The following ASIC2 variants were observed in gnomAD, a reference collection of about 807,000 sequenced individuals.
ASIC2 encodes the protein acid sensing ion channel subunit 2.
In ASIC2, 25 loss-of-function variants were observed where a neutral mutation model predicts 57.3. The observed-to-expected ratio is 0.44, with a 90% CI of 0.32 to 0.61. The LOEUF (loss-of-function observed/expected upper bound fraction) is 0.61, where lower values mean the gene tolerates loss of function less well. Ranked by LOEUF, ASIC2 falls within the 20% of genes least tolerant of loss-of-function variation. The pLI, the probability that ASIC2 is intolerant of heterozygous loss-of-function variation, is 0.06. For synonymous variants in ASIC2, 319 were observed against 307.5 expected, an observed-to-expected ratio of 1.04 and a Z score of -0.39; for missense variants, 641 against 738.1, an observed-to-expected ratio of 0.87 and a Z score of 1.52.
intron 1 of ASIC2, among the ~76,000 whole-genome samples, chr17:34,137,355 C>A (rs1912154618): frequency 6.6e-6 from 1 of 152,170 alleles, no homozygotes; most frequent in Non-Finnish European, 1.5e-5. Flanking sequence ...GATGCTTTCC[C>A]AGCAAACAGA....
At chr17:33,337,527 C>A (rs1907561133) in intron 1 of ASIC2, among the ~76,000 whole-genome samples, 1 of 152,198 alleles carries the variant, frequency 6.6e-6, no homozygotes, top group Non-Finnish European at 1.5e-5. Flanking sequence ...GTTTGCTCAA[C>A]TGTTCAAAGG....
intron 1 of ASIC2, among the ~76,000 whole-genome samples, chr17:34,035,827 A>T (rs1907853002): frequency 6.6e-6 from 1 of 152,160 alleles, no homozygotes; most frequent in Non-Finnish European, 1.5e-5. Context: ...TCAAAACCAC[A>T]ATGAGATACC....
chr17:33,251,791 A>T (rs1908893701), intron 1 of ASIC2, among the ~76,000 whole-genome samples: 1 of 152,212 alleles, frequency 6.6e-6, no homozygotes, highest in South Asian at 2.1e-4. Flanking sequence ...TCAGGATTCA[A>T]ACTCAGATCT....
chr17:33,695,080 A>G (rs994899292), intron 1 of ASIC2, among the ~76,000 whole-genome samples: 1 of 152,192 alleles, frequency 6.6e-6, no homozygotes, highest in Non-Finnish European at 1.5e-5. Flanking sequence ...AAAATATATC[A>G]CAAAAAAAGT....
intron 1 of ASIC2, among the ~76,000 whole-genome samples, chr17:33,667,849 T>G (rs986068951): frequency 1.3e-5 from 2 of 152,164 alleles, no homozygotes; most frequent in African/African-American, 4.8e-5. Flanking sequence ...TCTGACAGAT[T>G]TATTTAGTCA....
chr17:33,866,662 AC>A (rs778777578), intron 1 of ASIC2, among the ~76,000 whole-genome samples: 76 of 152,180 alleles, frequency 5.0e-4, no homozygotes, highest in Non-Finnish European at 9.9e-4. Context: ...GCTGCCTTGA[AC>A]ACACTCCAGG....
intron 1 of ASIC2, 129 bp downstream of exon 1, chr17:33,291,279 G>T: frequency 7.0e-7 from 1 of 1,429,166 alleles, no homozygotes; most frequent in South Asian, 1.5e-5. Context: ...AATGGGTTCT[G>T]CCTTGGCATC....
intron 1 of ASIC2, among the ~76,000 whole-genome samples, chr17:33,342,862 C>T (rs1201048632): frequency 6.6e-6 from 1 of 152,140 alleles, no homozygotes; most frequent in African/African-American, 2.4e-5. Context: ...TTCCATCATC[C>T]CCTTCAGGAA....
intron 1 of ASIC2, among the ~76,000 whole-genome samples, chr17:33,838,811 T>C (rs757659266): frequency 1.3e-5 from 2 of 152,176 alleles, no homozygotes; most frequent in African/African-American, 2.4e-5. Flanking sequence ...CCAAATGTTA[T>C]AGTCTCTGAG....
In ASIC2 at chr17:33,515,444, G is replaced by A. The variant is rs1914536504; in HGVS notation, c.556-403377C>T. Among the ~76,000 whole-genome samples the A allele has an allele frequency of 2.0e-5, 3 of 152,206 alleles. No homozygotes were observed. In the South Asian group the frequency reaches 6.2e-4, roughly 32 times the overall value. Reference sequence around the variant, plus strand: ...ACTCCATGGCCTATGGGTATTTCAGGCCCATGGGTTGAACCTCTCTCAGCC... The same window carrying A: ...ACTCCATGGCCTATGGGTATTTCAGACCCATGGGTTGAACCTCTCTCAGCC... On this transcript the variant is annotated intron_variant, in intron 1 of 9. Coordinates refer to the ASIC2 transcript ENST00000359872.
At position 33,464,459 on chromosome 17, in the gene ASIC2, CTT is replaced by C. The variant is rs1231931570; in HGVS notation, c.556-352394_556-352393del. 8.5e-3 allele frequency among the ~76,000 whole-genome samples: 606 copies of C among 71,450 alleles called. 1 individual carries two copies. Among genetic ancestry groups the C allele is most frequent in the Non-Finnish European group, 0.011 (400 of 37,208 alleles). 46.9% of individuals were successfully genotyped at this position (71,450 alleles called of 152,430 possible). A position where few individuals can be genotyped will look rare whatever the true frequency, so the allele number is the denominator to read the frequency against. ...TCATTCTACACATGCCTCTTTTTCTCTTTCTTTCTTTCTTTCTTTTCTCTCTT... is the reference window on the plus strand; with the variant it reads ...TCATTCTACACATGCCTCTTTTTCTCTCTTTCTTTCTTTCTTTTCTCTCTT... On this transcript the variant is annotated intron_variant, in intron 1 of 9. Transcript: ENST00000359872.
At chr17:33,227,542 A>C (rs1907935537) in intron 1 of ASIC2, among the ~76,000 whole-genome samples, 1 of 152,178 alleles carries the variant, frequency 6.6e-6, no homozygotes, top group Admixed American at 6.5e-5. Context: ...GTAACTGTGA[A>C]GCCAAGGACA....
chr17:34,044,721 G>T (rs1340726766), intron 1 of ASIC2, among the ~76,000 whole-genome samples: 2 of 152,136 alleles, frequency 1.3e-5, no homozygotes, highest in African/African-American at 4.8e-5. Context: ...GGAGTTGAAG[G>T]AACGGTGCCT....
At chr17:33,799,357 T>G (rs1193027703) in intron 1 of ASIC2, among the ~76,000 whole-genome samples, 1 of 125,624 alleles carries the variant, frequency 8.0e-6, no homozygotes. Flanking sequence ...TCTTTCTCTT[T>G]CTTTCTTTCT....
At chr17:33,467,912 A>G (rs1465225144) in intron 1 of ASIC2, among the ~76,000 whole-genome samples, 2 of 152,186 alleles carry the variant, frequency 1.3e-5, no homozygotes, top group East Asian at 3.9e-4. Context: ...TGCATTGGCC[A>G]TGGTCACTCA....
intron 1 of ASIC2, among the ~76,000 whole-genome samples, chr17:33,371,844 G>A (rs1270590028): frequency 6.6e-6 from 1 of 152,156 alleles, no homozygotes; most frequent in East Asian, 1.9e-4. Context: ...TGGCTCCAGA[G>A]CCTTTAAAAT....
intron 1 of ASIC2, among the ~76,000 whole-genome samples, chr17:33,622,114 G>A (rs1248646268): frequency 1.3e-5 from 2 of 151,764 alleles, no homozygotes; most frequent in Admixed American, 6.6e-5. Flanking sequence ...GATCCTACTA[G>A]GTGCCTGGCA....
At chr17:33,765,970 C>A (rs1002296561) in intron 1 of ASIC2, among the ~76,000 whole-genome samples, 1 of 152,178 alleles carries the variant, frequency 6.6e-6, no homozygotes, top group Non-Finnish European at 1.5e-5. Context: ...GGTCTCCCTG[C>A]TCTAGTAGGC....
intron 1 of ASIC2, among the ~76,000 whole-genome samples, chr17:33,380,758 C>T (rs1409686016): frequency 6.6e-6 from 1 of 152,184 alleles, no homozygotes; most frequent in Non-Finnish European, 1.5e-5. Context: ...TATGGGTCTG[C>T]ATTTTTAAAA....
Sources: gnomAD v4.1 joint callset for allele counts (sites outside exome capture counted in the v4.1 genomes callset) on GRCh38, gnomAD v4.1.1 for gene constraint, MANE v1.5 for transcripts, NCBI Gene and HGNC (gene_info 2026-07-23, HGNC 2026-07-21) for gene names.